GUCY2D: variants seen among roughly 807,000 people sequenced by gnomAD.
The protein encoded by GUCY2D is retinal guanylyl cyclase 1.
In GUCY2D, 70 loss-of-function variants were observed where a neutral mutation model predicts 101.3. The ratio of observed to expected loss-of-function variants is 0.69; its 90% CI spans 0.57 to 0.84. The LOEUF (loss-of-function observed/expected upper bound fraction) is 0.84, where lower values mean the gene tolerates loss of function less well. GUCY2D is among the 40% of genes least tolerant of loss of function. The pLI, the probability that GUCY2D is intolerant of heterozygous loss-of-function variation, is 0.00. For synonymous variants in GUCY2D, 688 were observed against 670.7 expected, an observed-to-expected ratio of 1.03 and a Z score of -0.40; for missense variants, 1,460 against 1,542.5, an observed-to-expected ratio of 0.95 and a Z score of 0.90.
chr17:8,018,959 G>A (rs1177173357), intron 19 of GUCY2D, among the ~76,000 whole-genome samples: 2 of 151,942 alleles, frequency 1.3e-5, no homozygotes, highest in Admixed American at 6.6e-5. Context: ...TCTGGTTACC[G>A]AAGGTGATGT....
chr17:8,014,454 G>A lies in GUCY2D; in HGVS notation c.2413-147G>A, dbSNP rs1325646445. The A allele has an allele frequency of 2.9e-5, 23 of 779,690 alleles. No individual in the cohort carries two copies. Among genetic ancestry groups the A allele is most frequent in the South Asian group, 1.5e-4 (11 of 71,958 alleles). The allele number at this position is 779,690 out of a possible 1,614,324, so 48.3% of individuals were successfully genotyped here. ...CTGAAAACACAGTGCCCAGCACCCC[G>A]GGGTGCTTGATGAATAGTAGATGAA... On this transcript the variant is annotated intron_variant, in intron 12 of 19. Coordinates refer to ENST00000254854, the MANE Select transcript of GUCY2D (RefSeq NM_000180.4). This position sits in a 1 kb window ranked among gnomAD's most constrained non-coding sequence, Gnocchi z 4.0.
At chr17:8,016,870 C>G (rs574862256) in intron 19 of GUCY2D, 159 of 297,778 alleles carry the variant, frequency 5.3e-4, no homozygotes, top group African/African-American at 3.4e-3. Flanking sequence ...GCACAAGAGA[C>G]AACTCTAGGG....
At position 8,006,487 on chromosome 17, in the gene GUCY2D, A is replaced by G. The variant is rs761445993; in HGVS notation, c.1151A>G (p.Asp384Gly). 25 of 1,607,784 alleles carry G rather than the reference A, an allele frequency of 1.6e-5. No individual in the cohort carries two copies. The highest frequency in any genetic ancestry group is 3.3e-4 in the Middle Eastern group (2 of 6,082). ...SGAAVARHIR[D>G]AQVPGFCGDL... is the part of the protein sequence containing the mutation. ...GCAGCTGTGGCCCGCCACATCCGGG[A>G]TGCGCAGGTCCCTGGCTTCTGCGGG... The change falls in exon 4 of 20, where the codon GAT (aspartate) becomes GGT (glycine). Residue 384 changes from aspartate to glycine, a missense_variant. Transcript: ENST00000254854.
Position 8,003,570 on chromosome 17 carries a change from C to T in GUCY2D, c.523C>T (p.Leu175=), listed in dbSNP as rs1470839928. The T allele has an allele frequency of 6.3e-6, 10 of 1,580,682 alleles. No individual in the cohort carries two copies. Among genetic ancestry groups the T allele is most frequent in the Non-Finnish European group, 8.5e-6 (10 of 1,170,848 alleles). Reference sequence around the variant, plus strand: ...CCCCGCCGCGGATGCCCTCTACGCCCTGCTTCGCGCATTCGGCTGGGCGCG... The same window carrying T: ...CCCCGCCGCGGATGCCCTCTACGCCTTGCTTCGCGCATTCGGCTGGGCGCG... ...VTPAADALYA[L]LRAFGWARVA... is the part of the protein sequence containing the mutation. Residue 175 remains leucine, a synonymous_variant, in exon 2 of 20, where the codon CTG becomes TTG. Transcript: ENST00000254854.
rs768080447 is a variant in GUCY2D, at chr17:8,015,376, C to A, written c.2818C>A (p.Arg940=). 6.2e-7 allele frequency: 1 copy of A among 1,612,188 alleles called. No individual in the cohort carries two copies. The highest frequency in any genetic ancestry group is 1.1e-5 in the South Asian group (1 of 91,088). The part of the protein sequence containing the change: ...AYMVASGLPQ[R]NGQRHAAEIA... ...TATGGTGGCCTCGGGGCTGCCCCAG[C>A]GGAATGGGCAGCGACACGCGGCAGA... The change falls in exon 15 of 20, where the codon CGG becomes AGG. Residue 940 remains arginine (R), a synonymous_variant. Transcript: ENST00000254854.
intron 19 of GUCY2D, among the ~76,000 whole-genome samples, 169 bp from the exon 20 acceptor site, chr17:8,019,959 C>G (rs997689753): frequency 5.9e-5 from 9 of 152,172 alleles, no homozygotes; most frequent in African/African-American, 1.9e-4. Context: ...CCCACACTTG[C>G]GGTTGTCCTT....
At chr17:8,019,676 TCTC>T (rs1164426531) in intron 19 of GUCY2D, among the ~76,000 whole-genome samples, 1 of 152,218 alleles carries the variant, frequency 6.6e-6, no homozygotes, top group Non-Finnish European at 1.5e-5. Context: ...TCTGCTCTAT[TCTC>T]CTGTCTTTGT....
At position 8,015,922 on chromosome 17, in the gene GUCY2D, C is replaced by T. The variant is rs1270696873; in HGVS notation, c.3044-5C>T. The T allele has an allele frequency of 6.2e-7, 1 of 1,609,694 alleles. No homozygotes were observed. The highest frequency in any genetic ancestry group is 1.1e-5 in the South Asian group (1 of 90,238). ...CCGAGCTCACGGCGTCCCCCACCGC[C>T]ACAGCTTACCGCATCCACGTGAACT... On this transcript the variant is annotated splice_region_variant and splice_polypyrimidine_tract_variant and intron_variant, in intron 16 of 19. Coordinates refer to ENST00000254854, the MANE Select transcript of GUCY2D (RefSeq NM_000180.4).
At position 8,013,123 on chromosome 17, in the gene GUCY2D, G is replaced by C; in HGVS notation, c.2134G>C (p.Glu712Gln). The C allele has an allele frequency of 1.9e-6, 3 of 1,613,358 alleles. No homozygotes were observed. The South Asian group carries it at 3.3e-5, about 18-fold the overall frequency. ...CCCAGACCAGCTGTGGACAGCCCCG[G>C]AGCTGCTTAGGGACCCAGCCCTGGA... ...RAEDQLWTAP[E>Q]LLRDPALERR... Residue 712 changes from glutamate (E) to glutamine (Q), a missense_variant, in exon 11 of 20, where the codon GAG (glutamate) becomes CAG (glutamine). Glu to Gln is a conservative substitution (Grantham distance 29). This residue lies in a region of GUCY2D where 1,196 missense variants were observed against 1,229.6 expected (regional missense o/e 0.97). Transcript: ENST00000254854. This position sits in a 1 kb window ranked among gnomAD's most constrained non-coding sequence, Gnocchi z 5.0.
In GUCY2D at chr17:8,012,432, T is replaced by C; in HGVS notation, c.1957-18T>C. ...AACCAAGCAGGCTGAGGCTGCCTCTTACCCTACCCATTCCAAGGGAATAAG... is the reference window on the plus strand; with the variant it reads ...AACCAAGCAGGCTGAGGCTGCCTCTCACCCTACCCATTCCAAGGGAATAAG... On this transcript the variant is annotated intron_variant, in intron 9 of 19. Coordinates refer to ENST00000254854, the MANE Select transcript of GUCY2D (RefSeq NM_000180.4). The C allele has an allele frequency of 3.1e-6, 5 of 1,613,848 alleles. No individual in the cohort carries two copies. In the East Asian group the frequency reaches 8.9e-5, roughly 29 times the overall value.
In GUCY2D at chr17:8,014,732, G is replaced by A. The variant is rs559924290; in HGVS notation, c.2544G>A (p.Lys848=). 10 of 1,503,612 alleles carry A rather than the reference G, an allele frequency of 6.7e-6. No homozygotes were observed. Among genetic ancestry groups the A allele is most frequent in the Middle Eastern group, 1.8e-4 (1 of 5,460 alleles). 93.1% of individuals were successfully genotyped at this position (1,503,612 alleles called of 1,614,324 possible). A position where few individuals can be genotyped will look rare whatever the true frequency, so the allele number is the denominator to read the frequency against. Residue 848 remains lysine, a synonymous_variant, in exon 13 of 20, where the codon AAG becomes AAA. Coordinates refer to ENST00000254854, the MANE Select transcript of GUCY2D (RefSeq NM_000180.4). This position sits in a 1 kb window ranked among gnomAD's most constrained non-coding sequence, Gnocchi z 4.0. Reference sequence around the variant, plus strand: ...AGGAGCTGGAGCTGGAAAAGCAGAAGACAGACCGGCTGCTTACACAGATGC... The same window carrying A: ...AGGAGCTGGAGCTGGAAAAGCAGAAAACAGACCGGCTGCTTACACAGATGC... The part of the protein sequence containing the change: ...RTEELELEKQ[K]TDRLLTQMLP...
chr17:8,015,045 C>A lies in GUCY2D; in HGVS notation c.2763C>A (p.Val921=), dbSNP rs776152947. 129 of 1,613,186 alleles carry A rather than the reference C, an allele frequency of 8.0e-5. No homozygotes were observed. Among genetic ancestry groups the A allele is most frequent in the Middle Eastern group, 6.9e-4 (4 of 5,756 alleles). The stretch of plus-strand genomic sequence containing the variant: ...ATGCCATCATTGGTTCCCACGATGT[C>A]TACAAGGTGCAGTGTGTAGGGGACA... ...LFDAIIGSHD[V]YKVETIGDAY... Residue 921 remains valine (V), a synonymous_variant, in exon 14 of 20, where the codon GTC becomes GTA. Coordinates refer to ENST00000254854, the MANE Select transcript of GUCY2D (RefSeq NM_000180.4).
At chr17:8,015,695 G>A in intron 15 of GUCY2D, 48 bp from the exon 16 acceptor site, 2 of 1,418,976 alleles carry the variant, frequency 1.4e-6, no homozygotes, top group Non-Finnish European at 1.9e-6. Context: ...CCTAGGTGCA[G>A]CCCAGGGCCG....
At chr17:8,004,765 G>A (rs1975707888) in intron 3 of GUCY2D, among the ~76,000 whole-genome samples, 1 of 152,172 alleles carries the variant, frequency 6.6e-6, no homozygotes, top group Non-Finnish European at 1.5e-5. Flanking sequence ...ACCACTATGA[G>A]AAGGGAATTT....
At chr17:8,004,681 C>CT (rs1302093899) in intron 3 of GUCY2D, among the ~76,000 whole-genome samples, 1 of 152,062 alleles carries the variant, frequency 6.6e-6, no homozygotes, top group East Asian at 1.9e-4. Context: ...CAGCTAATAC[C>CT]TAGGGATCCC....
intron 8 of GUCY2D, among the ~76,000 whole-genome samples, chr17:8,010,227 G>A (rs1975823523): frequency 6.6e-6 from 1 of 152,118 alleles, no homozygotes; most frequent in Non-Finnish European, 1.5e-5. Context: ...AATGTTTGTT[G>A]ATCTAATGAT....
intron 19 of GUCY2D, chr17:8,016,877 AG>A (rs1231925146): frequency 3.9e-6 from 1 of 256,476 alleles, no homozygotes; most frequent in Non-Finnish European, 7.6e-6. Flanking sequence ...AGACAACTCT[AG>A]GGGGCAGCAG....
At chr17:8,004,220 G>A in intron 3 of GUCY2D, 64 bp downstream of exon 3, 2 of 1,416,280 alleles carry the variant, frequency 1.4e-6, no homozygotes, top group Non-Finnish European at 1.9e-6. Context: ...AAAGCAGGGA[G>A]AGGAGGATGC....
intron 16 of GUCY2D, 39 bp downstream of exon 16, chr17:8,015,880 G>C: frequency 2.5e-6 from 4 of 1,599,072 alleles, no homozygotes; most frequent in Non-Finnish European, 3.4e-6. Flanking sequence ...GTGGGAGGGG[G>C]ACACGGGAGG....
Sources: allele counts gnomAD v4.1 joint callset (sites outside exome capture counted in the v4.1 genomes callset), GRCh38; gene constraint gnomAD v4.1.1; regional missense constraint gnomAD v4.1.1; non-coding constraint Gnocchi (gnomAD v3.1); transcripts MANE v1.5; gene names NCBI Gene and HGNC (gene_info 2026-07-23, HGNC 2026-07-21).